The following GOLGB1 variants were observed in gnomAD, a reference collection of about 807,000 sequenced individuals.
GOLGB1 encodes golgin B1.
In GOLGB1, 174 loss-of-function variants were observed where a neutral mutation model predicts 336.9. The ratio of observed to expected loss-of-function variants is 0.52; its 90% CI spans 0.46 to 0.59. The LOEUF is 0.59. Among genes scored for constraint, GOLGB1 ranks in the 20% least tolerant of loss-of-function variants. The pLI is 0.00. For synonymous variants in GOLGB1, 1,208 were observed against 1,289.2 expected, an observed-to-expected ratio of 0.94 and a Z score of 1.35; for missense variants, 3,331 against 3,645.3, an observed-to-expected ratio of 0.91 and a Z score of 2.22.
intron 1 of GOLGB1, among the ~76,000 whole-genome samples, chr3:121,738,093 A>G (rs1169468323): frequency 1.3e-5 from 2 of 152,222 alleles, no homozygotes; most frequent in African/African-American, 2.4e-5. Context: ...TTTAGAGATC[A>G]TATTTTCTTT....
In GOLGB1 at chr3:121,692,295, A is replaced by G; in HGVS notation, c.7069T>C (p.Ser2357Pro). Reference sequence around the variant, plus strand: ...TCCAGTTGTTCATAACTGAACTTAGAATTTTGAATATCAGCCTCTTGCTGC... The same window carrying G: ...TCCAGTTGTTCATAACTGAACTTAGGATTTTGAATATCAGCCTCTTGCTGC... ...IRQQEADIQN[S>P]KFSYEQLETD... is the part of the protein sequence containing the mutation. The change falls in exon 14 of 22, where the codon TCT becomes CCT. Residue 2357 changes from serine (S) to proline (P), a missense_variant. Ser to Pro is a moderately conservative substitution (Grantham distance 74, BLOSUM62 -1). Transcript: ENST00000614479. The G allele has an allele frequency of 1.2e-6, 2 of 1,611,680 alleles. No individual in the cohort carries two copies. The highest frequency in any genetic ancestry group is 1.1e-5 in the South Asian group (1 of 90,434).
intron 1 of GOLGB1, among the ~76,000 whole-genome samples, chr3:121,736,723 T>A (rs1946493385): frequency 6.6e-6 from 1 of 151,988 alleles, no homozygotes; most frequent in African/African-American, 2.4e-5. Flanking sequence ...GCCAACATGG[T>A]GAAACTCCGT....
Position 121,691,352 on chromosome 3 carries a change from TG to T in GOLGB1, c.8011del (p.Gln2671LysfsTer8), listed in dbSNP as rs1158088106. ...AELEEELVCV[Q>X]KEAAKKVGEI... ...ACCTACCTTCTTGGCAGCTTCCTTT[TG>T]AACACAAACCAATTCTTCTTCCAGT... On this transcript the variant is annotated frameshift_variant, in exon 14 of 22. Transcript: ENST00000614479. LOFTEE classifies it high-confidence loss of function. The T allele has an allele frequency of 6.2e-7, 1 of 1,612,322 alleles. No individual in the cohort carries two copies. The highest frequency in any genetic ancestry group is 8.5e-7 in the Non-Finnish European group (1 of 1,179,690).
At chr3:121,704,164 A>C (rs1943629640) in intron 10 of GOLGB1, among the ~76,000 whole-genome samples, 1 of 152,136 alleles carries the variant, frequency 6.6e-6, no homozygotes, top group African/African-American at 2.4e-5. Flanking sequence ...GACATGTGGG[A>C]CAATATTAAA....
chr3:121,676,859 G>T, intron 17 of GOLGB1, 34 bp downstream of exon 17: 2 of 1,600,888 alleles, frequency 1.2e-6, no homozygotes, highest in Non-Finnish European at 1.7e-6. Flanking sequence ...ATGGAAAAAA[G>T]AAACTGAATT....
intron 11 of GOLGB1, among the ~76,000 whole-genome samples, chr3:121,700,361 G>T (rs1482111425): frequency 2.6e-5 from 4 of 151,974 alleles, no homozygotes; most frequent in Non-Finnish European, 4.4e-5. Context: ...ACAAAGAAAT[G>T]ACACAACCCG....
chr3:121,742,375 C>G (rs563073907), intron 1 of GOLGB1, among the ~76,000 whole-genome samples: 73 of 152,232 alleles, frequency 4.8e-4, no homozygotes, highest in Non-Finnish European at 8.8e-5. Flanking sequence ...GAAAGGATTC[C>G]CTATTTAATA....
chr3:121,715,266 C>T lies in GOLGB1; in HGVS notation c.1289-290G>A, dbSNP rs558849114. ...TTGCCTAAGCTGGAGTGCAGTGGTG[C>T]GATCTCGGCTCACTGTAACCTCTGA... is the stretch of plus-strand genomic sequence containing the variant. On this transcript the variant is annotated intron_variant, in intron 9 of 21. Transcript: ENST00000614479. 7.4e-5 allele frequency among the ~76,000 whole-genome samples: 11 copies of T among 147,742 alleles called. No homozygotes were observed. The South Asian group carries it at 1.9e-3, about 26-fold the overall frequency.
At chr3:121,722,471 A>G in intron 5 of GOLGB1, 93 bp from the exon 6 acceptor site, 1 of 681,792 alleles carries the variant, frequency 1.5e-6, no homozygotes, top group South Asian at 1.8e-5. Context: ...TGCTTAACCT[A>G]AATGCCTACC....
At chr3:121,692,848 T>G (rs1001022950) in intron 13 of GOLGB1, among the ~76,000 whole-genome samples, 5 of 152,214 alleles carry the variant, frequency 3.3e-5, no homozygotes, top group Non-Finnish European at 7.3e-5. Context: ...TGACATGGTT[T>G]TCAACACTGA....
chr3:121,734,791 A>G (rs1279120372), intron 1 of GOLGB1, among the ~76,000 whole-genome samples: 1 of 152,234 alleles, frequency 6.6e-6, no homozygotes, highest in Non-Finnish European at 1.5e-5. Flanking sequence ...ACTGTTTGAC[A>G]GTTTCTTTAA....
At chr3:121,715,936 G>A (rs1458455723) in intron 9 of GOLGB1, among the ~76,000 whole-genome samples, 4 of 151,056 alleles carry the variant, frequency 2.6e-5, no homozygotes, top group Non-Finnish European at 5.9e-5. Context: ...AGGTTGCAGT[G>A]AGCCGAGATC....
chr3:121,733,836 C>A (rs1447522289), intron 1 of GOLGB1, among the ~76,000 whole-genome samples: 3 of 152,100 alleles, frequency 2.0e-5, no homozygotes, highest in African/African-American at 7.2e-5. Context: ...GGTTGTGGAA[C>A]AATTGGACAT....
At chr3:121,727,214 T>C (rs913589383) in intron 4 of GOLGB1, among the ~76,000 whole-genome samples, 173 bp from the exon 5 acceptor site, 12 of 147,982 alleles carry the variant, frequency 8.1e-5, no homozygotes, top group Non-Finnish European at 1.8e-4. Flanking sequence ...GTCCAGTTTT[T>C]GTATGGCCAA....
At chr3:121,729,413 T>A in intron 3 of GOLGB1, 73 bp from the exon 4 acceptor site, 1 of 1,168,286 alleles carries the variant, frequency 8.6e-7, no homozygotes, top group Non-Finnish European at 1.2e-6. Flanking sequence ...AAAAGTTATT[T>A]TTATTATTAT....
At chr3:121,700,936 T>G (rs1420521087) in intron 11 of GOLGB1, among the ~76,000 whole-genome samples, 1 of 152,146 alleles carries the variant, frequency 6.6e-6, no homozygotes, top group Non-Finnish European at 1.5e-5. Context: ...ATAAACAGGT[T>G]TGTAGTCTGT....
intron 15 of GOLGB1, among the ~76,000 whole-genome samples, chr3:121,680,221 G>C (rs1940915623): frequency 1.3e-5 from 2 of 152,148 alleles, no homozygotes. Flanking sequence ...CTGCCGGTGT[G>C]GTGTCAGTGA....
At chr3:121,667,291 C>T (rs1170063871) in intron 20 of GOLGB1, among the ~76,000 whole-genome samples, 185 bp downstream of exon 20, 1 of 152,214 alleles carries the variant, frequency 6.6e-6, no homozygotes, top group Non-Finnish European at 1.5e-5. Context: ...TTAGAAAACA[C>T]TGACTCTCTT....
chr3:121,720,438 G>T (rs1235403258), intron 6 of GOLGB1, among the ~76,000 whole-genome samples: 1 of 152,206 alleles, frequency 6.6e-6, no homozygotes, highest in African/African-American at 2.4e-5. Context: ...CTCAGTATCA[G>T]TGCTTCTGTC....
Sources: allele counts gnomAD v4.1 joint callset (sites outside exome capture counted in the v4.1 genomes callset), GRCh38; gene constraint gnomAD v4.1.1; transcripts MANE v1.5; gene names NCBI Gene and HGNC (gene_info 2026-07-23, HGNC 2026-07-21).